NCKAP5: variants seen among roughly 807,000 people sequenced by gnomAD.
NCKAP5 encodes the protein nck-associated protein 5.
NCKAP5 carries 92 observed loss-of-function variants against 167.0 expected under a neutral mutation model. That is an observed-to-expected ratio of 0.55 (90% CI 0.47 to 0.66). The LOEUF (loss-of-function observed/expected upper bound fraction) is 0.66, where lower values mean the gene tolerates loss of function less well. NCKAP5 is among the 30% of genes least tolerant of loss of function. The probability of loss-of-function intolerance (pLI) is 0.00; values close to 1 mark genes in which losing one functional copy is unlikely to be tolerated. For missense variants in NCKAP5, 2,378 were observed against 2,315.0 expected (o/e 1.03, Z -0.56); for synonymous variants, 891 against 877.4 (o/e 1.02, Z -0.27).
At chr2:133,085,699 G>T (rs1426128170) in intron 6 of NCKAP5, among the ~76,000 whole-genome samples, 3 of 152,148 alleles carry the variant, frequency 2.0e-5, no homozygotes, top group African/African-American at 4.8e-5. Context: ...CCTTGAGTGG[G>T]CAAGCTGGCT....
rs551245877 is a variant in NCKAP5 at position 133,035,929 on chromosome 2, T to C, written c.342-41690A>G. ...AAGTTAAACAAAATTGACAAACCTT[T>C]AGCCAGACTAAGAACAAAAGAGAGA... is the stretch of plus-strand genomic sequence containing the variant. On this transcript the variant is annotated intron_variant, in intron 6 of 19. Coordinates refer to ENST00000409261, the MANE Select transcript of NCKAP5 (RefSeq NM_207363.3). Among the ~76,000 whole-genome samples, 22 of 151,996 alleles carry C rather than the reference T, an allele frequency of 1.4e-4. 1 individual carries two copies. The South Asian group carries it at 4.6e-3, about 32-fold the overall frequency.
At chr2:133,023,130 C>A (rs187380615) in intron 6 of NCKAP5, among the ~76,000 whole-genome samples, 2 of 152,220 alleles carry the variant, frequency 1.3e-5, no homozygotes, top group Admixed American at 1.3e-4. Flanking sequence ...TGCCTGGATC[C>A]CAGATGCACA....
At chr2:133,672,661 A>G in the NCKAP5 span, among the ~76,000 whole-genome samples, 1 of 152,220 alleles carries the variant, frequency 6.6e-6, no homozygotes, top group Non-Finnish European at 1.5e-5. Flanking sequence ...CAGCCCTGCC[A>G]TGGTAACACA....
At chr2:132,845,810 C>G (rs1018003260) in intron 11 of NCKAP5, among the ~76,000 whole-genome samples, 3 of 152,154 alleles carry the variant, frequency 2.0e-5, no homozygotes, top group African/African-American at 4.8e-5. Flanking sequence ...CTTGACAAGT[C>G]CCATAAAAAA....
At chr2:133,037,673 A>G (rs993169291) in intron 6 of NCKAP5, among the ~76,000 whole-genome samples, 31 of 152,172 alleles carry the variant, frequency 2.0e-4, no homozygotes, top group African/African-American at 6.5e-4. Context: ...ACAAAACTCA[A>G]ACTATGAAAC....
intron 4 of NCKAP5, among the ~76,000 whole-genome samples, chr2:133,275,395 T>G (rs1270429125): frequency 3.3e-5 from 4 of 122,914 alleles, no homozygotes; most frequent in African/African-American, 1.1e-4. Context: ...GGCTCACACA[T>G]ACACACATAC....
chr2:133,174,702 C>CTTT lies in NCKAP5; in HGVS notation c.207+39011_207+39013dup, dbSNP rs71909848. On this transcript the variant is annotated intron_variant, in intron 5 of 19. Coordinates refer to ENST00000409261, the MANE Select transcript of NCKAP5 (RefSeq NM_207363.3). ...CACAACAAAATATTCCAAGTAACAT[C>CTTT]TTTTTTTTTTTTTCTCCCCCCTGCT... Among the ~76,000 whole-genome samples, 223 of 144,754 alleles carry CTTT rather than the reference C, an allele frequency of 1.5e-3. 2 individuals are homozygous for CTTT. The highest frequency in any genetic ancestry group is 0.015 in the South Asian group (66 of 4,478). 95.0% of individuals were successfully genotyped at this position (144,754 alleles called of 152,430 possible). A position where few individuals can be genotyped will look rare whatever the true frequency, so the allele number is the denominator to read the frequency against.
chr2:132,928,507 TC>T (rs917666133), intron 8 of NCKAP5, among the ~76,000 whole-genome samples: 4 of 152,170 alleles, frequency 2.6e-5, no homozygotes, highest in Non-Finnish European at 5.9e-5. Context: ...CATATACCTA[TC>T]TTGTAAGTTG....
intron 3 of NCKAP5, among the ~76,000 whole-genome samples, chr2:133,400,140 T>G (rs1160168424): frequency 6.6e-6 from 1 of 152,152 alleles, no homozygotes; most frequent in Admixed American, 6.5e-5. Context: ...ATCCATCCTT[T>G]TACAGATTTA....
chr2:133,205,936 G>T (rs897130979), intron 5 of NCKAP5, among the ~76,000 whole-genome samples: 7 of 152,070 alleles, frequency 4.6e-5, no homozygotes, highest in African/African-American at 1.7e-4. Context: ...TTTATATACA[G>T]CAATCTTCTA....
intron 16 of NCKAP5, among the ~76,000 whole-genome samples, chr2:132,763,867 T>A (rs1332778963): frequency 6.6e-6 from 1 of 152,190 alleles, no homozygotes; most frequent in East Asian, 1.9e-4. Flanking sequence ...TATGTCTTAT[T>A]CCTCTTTGTA....
At chr2:133,057,477 G>A (rs998806358) in intron 6 of NCKAP5, among the ~76,000 whole-genome samples, 5 of 152,218 alleles carry the variant, frequency 3.3e-5, no homozygotes, top group Non-Finnish European at 7.3e-5. Context: ...TGAATGGTAA[G>A]GAAGCAGAAC....
At chr2:133,386,820 T>C (rs1404259178) in intron 3 of NCKAP5, among the ~76,000 whole-genome samples, 1 of 152,216 alleles carries the variant, frequency 6.6e-6, no homozygotes, top group Non-Finnish European at 1.5e-5. Context: ...TTTGTCTCTT[T>C]TGATCTTTGT....
chr2:133,511,784 C>G (rs1014142604), intron 3 of NCKAP5, among the ~76,000 whole-genome samples: 3 of 152,306 alleles, frequency 2.0e-5, no homozygotes, highest in Middle Eastern at 6.8e-3. Context: ...GTTCTTTGGC[C>G]CTCCCTGACT....
intron 5 of NCKAP5, among the ~76,000 whole-genome samples, chr2:133,192,500 A>G (rs934378861): frequency 1.3e-5 from 2 of 152,124 alleles, no homozygotes; most frequent in Non-Finnish European, 2.9e-5. Context: ...TACATACCAC[A>G]TATACTACCA....
rs78925730 is a variant in NCKAP5 at position 132,904,725 on chromosome 2, T to G, written c.580-25809A>C. ...TCCTCTTTTCTTATTTCACTTTTTA[T>G]TGCCTTGGTCTCATGTGAGGCTAAA... On this transcript the variant is annotated intron_variant, in intron 8 of 19. Coordinates refer to ENST00000409261, the MANE Select transcript of NCKAP5 (RefSeq NM_207363.3). Among the ~76,000 whole-genome samples the G allele has an allele frequency of 5.3e-3, 805 of 152,356 alleles. 2 individuals are homozygous for G. The highest frequency in any genetic ancestry group is 0.017 in the African/African-American group (719 of 41,582).
chr2:132,840,067 G>A (rs1002524200), intron 11 of NCKAP5, among the ~76,000 whole-genome samples: 4 of 152,126 alleles, frequency 2.6e-5, no homozygotes, highest in Admixed American at 6.5e-5. Flanking sequence ...ATATGTAGCA[G>A]TTCAATGGTT....
chr2:133,002,611 C>T (rs2077825048), intron 6 of NCKAP5, among the ~76,000 whole-genome samples: 1 of 152,184 alleles, frequency 6.6e-6, no homozygotes, highest in African/African-American at 2.4e-5. Context: ...GTCCTGCCCA[C>T]TGGGTACTCT....
rs911662921 is a variant in NCKAP5, at chr2:133,308,961, C to T, written c.70-5851G>A. ...TCCTGACCTCATGATCCACCCGCCT[C>T]GGCCTCCCAAAGTGCTGGGATTACA... On this transcript the variant is annotated intron_variant, in intron 3 of 19. Transcript: ENST00000409261. Among the ~76,000 whole-genome samples the T allele has an allele frequency of 3.3e-5, 5 of 151,498 alleles. No homozygotes were observed. In the South Asian group the frequency reaches 6.3e-4, roughly 19 times the overall value.
Sources: allele counts gnomAD v4.1 joint callset (sites outside exome capture counted in the v4.1 genomes callset), GRCh38; gene constraint gnomAD v4.1.1; transcripts MANE v1.5; gene names NCBI Gene and HGNC (gene_info 2026-07-23, HGNC 2026-07-21).